Variants in NRIP1 observed in about 807,000 individuals in gnomAD.
NRIP1 encodes the protein nuclear receptor-interacting protein 1.
NRIP1 carries 28 observed loss-of-function variants against 75.0 expected under a neutral mutation model. The observed-to-expected ratio is 0.37, with a 90% CI of 0.28 to 0.51. NRIP1 has a LOEUF of 0.51. NRIP1 is among the 20% of genes least tolerant of loss of function. The pLI is 0.92. For synonymous variants in NRIP1, 526 were observed against 487.6 expected, an observed-to-expected ratio of 1.08 and a Z score of -1.04; for missense variants, 1,435 against 1,343.7, an observed-to-expected ratio of 1.07 and a Z score of -1.06.
intron 2 of NRIP1, among the ~76,000 whole-genome samples, chr21:15,034,152 T>C (rs899832948): frequency 6.6e-6 from 1 of 152,258 alleles, no homozygotes; most frequent in Admixed American, 6.5e-5. Context: ...TAAAACTTTT[T>C]GCAGGAAAAT....
chr21:15,044,723 G>A (rs2089032878), intron 1 of NRIP1, among the ~76,000 whole-genome samples: 3 of 152,028 alleles, frequency 2.0e-5, no homozygotes, highest in Admixed American at 2.0e-4. Context: ...TTTACTGGGG[G>A]CCCTTCAGTC....
intron 2 of NRIP1, among the ~76,000 whole-genome samples, chr21:15,040,084 T>C (rs2088920375): frequency 6.6e-6 from 1 of 152,108 alleles, no homozygotes; most frequent in Admixed American, 6.5e-5. Context: ...AGCTGTGCTG[T>C]CTAATACAGC....
intron 1 of NRIP1, among the ~76,000 whole-genome samples, chr21:15,047,163 CAG>C (rs1029831440): frequency 4.6e-5 from 7 of 152,116 alleles, no homozygotes; most frequent in Admixed American, 4.6e-4. Flanking sequence ...AAAATCATGG[CAG>C]AAGGTGAGGG....
At chr21:15,010,211 G>A (rs1191679226) in intron 3 of NRIP1, among the ~76,000 whole-genome samples, 1 of 152,082 alleles carries the variant, frequency 6.6e-6, no homozygotes, top group East Asian at 1.9e-4. Flanking sequence ...CAAACCACAG[G>A]CCACATGGTT....
At chr21:15,029,536 AT>A (rs1189710260) in intron 2 of NRIP1, among the ~76,000 whole-genome samples, 7 of 152,174 alleles carry the variant, frequency 4.6e-5, no homozygotes, top group Admixed American at 2.0e-4. Flanking sequence ...GAATTGCTTT[AT>A]CTTATTTGTC....
At chr21:15,056,618 T>G (rs1490414632) in intron 1 of NRIP1, among the ~76,000 whole-genome samples, 2 of 152,220 alleles carry the variant, frequency 1.3e-5, no homozygotes, top group African/African-American at 4.8e-5. Context: ...CTCTTTTTTC[T>G]TATTTGGCCA....
intron 3 of NRIP1, among the ~76,000 whole-genome samples, chr21:14,972,559 T>C (rs1288765213): frequency 6.6e-6 from 1 of 152,230 alleles, no homozygotes; most frequent in Non-Finnish European, 1.5e-5. Flanking sequence ...CCTGGTTTTA[T>C]ATAAATATAA....
intron 1 of NRIP1, among the ~76,000 whole-genome samples, chr21:15,062,326 CTT>C (rs532617227): frequency 3.3e-4 from 50 of 152,348 alleles, no homozygotes; most frequent in African/African-American, 1.2e-3. Context: ...TGCGTTCTCT[CTT>C]AACTTCTGAA....
At chr21:15,014,515 T>G (rs2088179563) in intron 2 of NRIP1, 49 bp from the exon 3 acceptor site, 1 of 398,358 alleles carries the variant, frequency 2.5e-6, no homozygotes, top group Admixed American at 4.4e-5. Flanking sequence ...AACCAGATTC[T>G]GGAATACCTT....
chr21:14,967,210 T>C lies in NRIP1; in HGVS notation c.983A>G (p.Gln328Arg), dbSNP rs769814224. ...PKGMSSHLNG[Q>R]ARTSSSKLMA... ...CAGTTTGCTTGATGATGTTCTTGCCTGACCATTAAGATGGCTTGACATTCC... is the reference window on the plus strand; with the variant it reads ...CAGTTTGCTTGATGATGTTCTTGCCCGACCATTAAGATGGCTTGACATTCC... The change falls in exon 4 of 4, where the codon CAG becomes CGG. Residue 328 changes from glutamine (Q) to arginine (R), a missense_variant. By Grantham distance (43) the Gln-to-Arg change is conservative. Coordinates refer to ENST00000318948, the MANE Select transcript of NRIP1 (RefSeq NM_003489.4). 3 of 1,613,986 alleles carry C rather than the reference T, an allele frequency of 1.9e-6. No homozygotes were observed. Among genetic ancestry groups the C allele is most frequent in the Non-Finnish European group, 2.5e-6 (3 of 1,180,012 alleles).
chr21:14,994,437 T>C (rs1032042564), intron 3 of NRIP1, among the ~76,000 whole-genome samples: 1 of 152,208 alleles, frequency 6.6e-6, no homozygotes, highest in African/African-American at 2.4e-5. Context: ...TACAGAGAGT[T>C]TTCTTGAGTG....
chr21:14,971,833 C>T (rs1241704589), intron 3 of NRIP1, among the ~76,000 whole-genome samples: 1 of 152,092 alleles, frequency 6.6e-6, no homozygotes, highest in Non-Finnish European at 1.5e-5. Context: ...ACACTTTCTT[C>T]TAGAGAAGTG....
At chr21:14,979,076 G>C (rs954267821) in intron 3 of NRIP1, among the ~76,000 whole-genome samples, 7 of 152,080 alleles carry the variant, frequency 4.6e-5, no homozygotes, top group Non-Finnish European at 7.4e-5. Flanking sequence ...ACCTTCTACT[G>C]TTATCAAAGA....
At chr21:14,992,243 T>C (rs6517151) in intron 3 of NRIP1, 57,994 of 151,876 alleles carry the variant, frequency 0.38, 11,672 homozygotes, top group East Asian at 0.6. Flanking sequence ...GAGACGGGGT[T>C]TCGAAATGTT....
rs1237064992 is a variant in NRIP1 at position 14,961,320 on chromosome 21, T to C, written c.*3396A>G. ...AAAAACAAAACAAAAAAATTCACACTGCAGTATGTACAGTTTCATGACATC... is the reference window on the plus strand; with the variant it reads ...AAAAACAAAACAAAAAAATTCACACCGCAGTATGTACAGTTTCATGACATC... On this transcript the variant is annotated 3_prime_UTR_variant, in exon 4 of 4. Coordinates refer to ENST00000318948, the MANE Select transcript of NRIP1 (RefSeq NM_003489.4). 6.6e-6 allele frequency: 1 copy of C among 152,428 alleles called. No individual in the cohort carries two copies. The highest frequency in any genetic ancestry group is 2.4e-5 in the African/African-American group (1 of 41,440). 9.4% of individuals were successfully genotyped at this position (152,428 alleles called of 1,614,324 possible).
At position 14,966,328 on chromosome 21, in the gene NRIP1, G is replaced by C; in HGVS notation, c.1865C>G (p.Ser622Cys). The part of the protein sequence containing the change: ...KPAQNEGAQN[S>C]ATFSASKLLQ... The stretch of plus-strand genomic sequence containing the variant: ...CAGCTTACTGGCACTAAACGTTGCA[G>C]AGTTCTGTGCACCTTCATTTTGGGC... The change falls in exon 4 of 4, where the codon TCT becomes TGT. Residue 622 changes from serine (S) to cysteine (C), a missense_variant. Ser to Cys is a moderately radical substitution (Grantham distance 112, BLOSUM62 -1). Coordinates refer to ENST00000318948, the MANE Select transcript of NRIP1 (RefSeq NM_003489.4). 2 of 1,614,096 alleles carry C rather than the reference G, an allele frequency of 1.2e-6. No individual in the cohort carries two copies. Among genetic ancestry groups the C allele is most frequent in the Non-Finnish European group, 1.7e-6 (2 of 1,179,986 alleles).
Position 14,966,434 on chromosome 21 carries a change from G to C in NRIP1, c.1759C>G (p.Gln587Glu), listed in dbSNP as rs1199073599. 1 of 1,614,056 alleles carries C rather than the reference G, an allele frequency of 6.2e-7. No homozygotes were observed. The highest frequency in any genetic ancestry group is 2.2e-5 in the East Asian group (1 of 44,880). Reference protein sequence around the residue: ...WNSPPYVCSTQSEKLTNTASN... With the variant: ...WNSPPYVCSTESEKLTNTASN... ...GCAGTATTTGTTAGCTTTTCAGACT[G>C]AGTACTGCAGACATATGGTGGGGAA... The change falls in exon 4 of 4, where the codon CAG becomes GAG. Residue 587 changes from glutamine to glutamate, a missense_variant. Gln to Glu is a conservative substitution (Grantham distance 29). Coordinates refer to ENST00000318948, the MANE Select transcript of NRIP1 (RefSeq NM_003489.4).
At chr21:15,035,614 T>G (rs1161006520) in intron 2 of NRIP1, among the ~76,000 whole-genome samples, 4 of 150,006 alleles carry the variant, frequency 2.7e-5, no homozygotes, top group Non-Finnish European at 5.9e-5. Flanking sequence ...TGGAGTGCAG[T>G]GGCGCGATCT....
chr21:14,965,682 C>A lies in NRIP1; in HGVS notation c.2511G>T (p.Arg837Ser). ...GTGCCATTTCATTATTTCTGTGACT[C>A]CTGTCTGAATCATCTGCCAGGTAAC... ...QDSYLADDSDRSHRNNEMALL... is the reference protein window; with the variant it reads ...QDSYLADDSDSSHRNNEMALL... Residue 837 changes from arginine (R) to serine (S), a missense_variant, in exon 4 of 4, where the codon AGG becomes AGT. Transcript: ENST00000318948. The A allele has an allele frequency of 6.2e-7, 1 of 1,613,598 alleles. No individual in the cohort carries two copies. The highest frequency in any genetic ancestry group is 8.5e-7 in the Non-Finnish European group (1 of 1,179,950).
Sources: gnomAD v4.1 joint callset for allele counts (sites outside exome capture counted in the v4.1 genomes callset) on GRCh38, gnomAD v4.1.1 for gene constraint, MANE v1.5 for transcripts, NCBI Gene and HGNC (gene_info 2026-07-23, HGNC 2026-07-21) for gene names.